Variants in ARHGEF38 observed in about 807,000 individuals in gnomAD.
ARHGEF38 encodes Rho guanine nucleotide exchange factor 38.
A neutral mutation model predicts 79.9 loss-of-function variants in ARHGEF38; 79 were observed. That is an observed-to-expected ratio of 0.99 (90% CI 0.82 to 1.19). The LOEUF is 1.19. Among genes scored for constraint, ARHGEF38 ranks in the 50% most tolerant of loss-of-function variants. ARHGEF38 has a pLI of 0.00. For synonymous variants in ARHGEF38, 366 were observed against 328.3 expected, an observed-to-expected ratio of 1.11 and a Z score of -1.24; for missense variants, 962 against 907.2, an observed-to-expected ratio of 1.06 and a Z score of -0.78.
chr4:105,584,276 G>A (rs1172453508), intron 1 of ARHGEF38, among the ~76,000 whole-genome samples: 1 of 152,150 alleles, frequency 6.6e-6, no homozygotes, highest in African/African-American at 2.4e-5. Context: ...GAGATATTTT[G>A]AGAAGCCTAT....
chr4:105,590,902 T>C (rs1173409762), intron 2 of ARHGEF38, among the ~76,000 whole-genome samples: 3 of 152,180 alleles, frequency 2.0e-5, no homozygotes, highest in Non-Finnish European at 4.4e-5. Flanking sequence ...TTCATATCCA[T>C]GTTTTTTGCT....
chr4:105,638,533 G>T (rs1294409415), intron 5 of ARHGEF38, among the ~76,000 whole-genome samples: 4 of 151,502 alleles, frequency 2.6e-5, no homozygotes, highest in African/African-American at 7.3e-5. Context: ...TCTTTTCTTT[G>T]TATTTTAAAA....
intron 13 of ARHGEF38, among the ~76,000 whole-genome samples, chr4:105,675,352 G>T (rs1731083451): frequency 1.3e-5 from 2 of 152,082 alleles, no homozygotes; most frequent in African/African-American, 4.8e-5. Context: ...ACATATAACT[G>T]CCATGCGCTC....
intron 9 of ARHGEF38, among the ~76,000 whole-genome samples, chr4:105,658,490 A>G (rs905477024): frequency 1.3e-5 from 2 of 152,152 alleles, no homozygotes; most frequent in Non-Finnish European, 2.9e-5. Flanking sequence ...AGGGGTTACT[A>G]TCTGTATAGG....
At chr4:105,591,646 G>A (rs1387995351) in intron 2 of ARHGEF38, among the ~76,000 whole-genome samples, 1 of 152,224 alleles carries the variant, frequency 6.6e-6, no homozygotes, top group Non-Finnish European at 1.5e-5. Context: ...AAGAGGAGTA[G>A]CAAAGAAGGC....
intron 1 of ARHGEF38, among the ~76,000 whole-genome samples, chr4:105,574,050 T>C (rs1382001340): frequency 6.6e-6 from 1 of 152,200 alleles, no homozygotes; most frequent in Admixed American, 6.5e-5. Context: ...TGCAACTGAT[T>C]TTTGTGTGTT....
chr4:105,569,708 T>G (rs1484915537), intron 1 of ARHGEF38, among the ~76,000 whole-genome samples: 1 of 152,202 alleles, frequency 6.6e-6, no homozygotes, highest in Non-Finnish European at 1.5e-5. Context: ...CTTTCAGTGG[T>G]GTGACCTTGG....
chr4:105,596,123 T>C (rs1015683056), intron 2 of ARHGEF38, among the ~76,000 whole-genome samples: 5 of 152,224 alleles, frequency 3.3e-5, no homozygotes, highest in Admixed American at 6.5e-5. Context: ...TTATCAGTCA[T>C]ACCTAGGTTA....
chr4:105,605,865 A>G (rs1728015042), intron 2 of ARHGEF38, among the ~76,000 whole-genome samples: 2 of 152,032 alleles, frequency 1.3e-5, no homozygotes, highest in Admixed American at 1.3e-4. Context: ...CTTCCTTACT[A>G]AAAAATAAAA....
intron 1 of ARHGEF38, among the ~76,000 whole-genome samples, chr4:105,587,662 G>A (rs780251977): frequency 1.4e-4 from 21 of 152,040 alleles, no homozygotes; most frequent in Non-Finnish European, 2.2e-4. Flanking sequence ...GGGTTTCACC[G>A]TGTTAGCCAG....
At position 105,645,290 on chromosome 4, in the gene ARHGEF38, T is replaced by C; in HGVS notation, c.777T>C (p.Pro259=). The C allele has an allele frequency of 6.5e-7, 1 of 1,536,520 alleles. No individual in the cohort carries two copies. Among genetic ancestry groups the C allele is most frequent in the African/African-American group, 1.4e-5 (1 of 73,126 alleles). The change falls in exon 6 of 14, where the codon CCT becomes CCC. Residue 259 remains proline, a synonymous_variant. Transcript: ENST00000420470. ...LLLCELRNST[P]PSHPDYRALD... is the part of the protein sequence containing the mutation. ...TGTGCGAACTTCGGAATTCCACCCC[T>C]CCCTCTCACCCAGATTACAGAGCAC...
chr4:105,595,494 A>C (rs998972085), intron 2 of ARHGEF38, among the ~76,000 whole-genome samples: 7 of 152,184 alleles, frequency 4.6e-5, no homozygotes, highest in Non-Finnish European at 8.8e-5. Flanking sequence ...GAAAATAATC[A>C]CCTGTAGTCT....
At chr4:105,669,584 T>A (rs1730890637) in intron 13 of ARHGEF38, among the ~76,000 whole-genome samples, 1 of 152,070 alleles carries the variant, frequency 6.6e-6, no homozygotes, top group African/African-American at 2.4e-5. Context: ...TTTTTTTTGG[T>A]TTGGTGTTTT....
chr4:105,606,243 A>C (rs17259931), intron 2 of ARHGEF38, among the ~76,000 whole-genome samples: 8,588 of 152,220 alleles, frequency 0.056, 268 homozygotes, highest in Middle Eastern at 0.078. Context: ...CCAAATCCAA[A>C]CACTGAAGAC....
chr4:105,676,572 T>C (rs1358610141), intron 13 of ARHGEF38, among the ~76,000 whole-genome samples: 2 of 152,236 alleles, frequency 1.3e-5, no homozygotes, highest in African/African-American at 4.8e-5. Context: ...CTTAATTTTA[T>C]GCCATAACTA....
intron 2 of ARHGEF38, among the ~76,000 whole-genome samples, chr4:105,598,856 C>T (rs1051131934): frequency 6.6e-6 from 1 of 151,928 alleles, no homozygotes; most frequent in Non-Finnish European, 1.5e-5. Flanking sequence ...AGGGCAGTTC[C>T]TATGTGTTGG....
chr4:105,654,285 C>T (rs1028155775), intron 8 of ARHGEF38, 116 bp downstream of exon 8: 8 of 589,104 alleles, frequency 1.4e-5, no homozygotes, highest in Non-Finnish European at 1.9e-5. Context: ...GTTATGACAC[C>T]GGATCAAAAT....
chr4:105,606,206 T>A (rs1728033824), intron 2 of ARHGEF38, among the ~76,000 whole-genome samples: 1 of 152,124 alleles, frequency 6.6e-6, no homozygotes, highest in Non-Finnish European at 1.5e-5. Context: ...GGGCCCTATT[T>A]GAACCTGGAT....
In ARHGEF38 at chr4:105,659,199, A is replaced by T. The variant is rs904369371; in HGVS notation, c.1379A>T (p.Asp460Val). ...CAGCGATCAACGGGAGAGGAGTCAG[A>T]CTTGGCCAAAAAGGAGTATGAGGCC... Reference protein sequence around the residue: ...YLQRSTGEESDLAKKEYEALN... With the variant: ...YLQRSTGEESVLAKKEYEALN... The change falls in exon 10 of 14, where the codon GAC becomes GTC. Residue 460 changes from aspartate (D) to valine (V), a missense_variant. By Grantham distance (152) the Asp-to-Val change is radical. Transcript: ENST00000420470. 10 of 1,536,008 alleles carry T rather than the reference A, an allele frequency of 6.5e-6. No individual in the cohort carries two copies. Among genetic ancestry groups the T allele is most frequent in the Non-Finnish European group, 8.7e-6 (10 of 1,146,882 alleles).
Sources: allele counts gnomAD v4.1 joint callset (sites outside exome capture counted in the v4.1 genomes callset), GRCh38; gene constraint gnomAD v4.1.1; transcripts MANE v1.5; gene names NCBI Gene and HGNC (gene_info 2026-07-23, HGNC 2026-07-21).